Variants in CDH13 observed in about 807,000 individuals in gnomAD.
CDH13 encodes the protein cadherin-13.
In CDH13, 24 loss-of-function variants were observed where a neutral mutation model predicts 63.8. The observed-to-expected ratio is 0.38, with a 90% CI of 0.27 to 0.53. The LOEUF (loss-of-function observed/expected upper bound fraction) is 0.53, where lower values mean the gene tolerates loss of function less well. Ranked by LOEUF, CDH13 falls within the 20% of genes least tolerant of loss-of-function variation. The pLI, the probability that CDH13 is intolerant of heterozygous loss-of-function variation, is 0.85. For missense variants in CDH13, 1,049 were observed against 903.1 expected, an observed-to-expected ratio of 1.16 and a Z score of -2.07; for synonymous variants, 503 against 355.3, an observed-to-expected ratio of 1.42 and a Z score of -4.67.
chr16:83,494,967 T>C (rs1405234485), intron 7 of CDH13, among the ~76,000 whole-genome samples: 2 of 152,222 alleles, frequency 1.3e-5, no homozygotes, highest in Non-Finnish European at 2.9e-5. Context: ...GATCATCTAT[T>C]GCATTGGAGG....
chr16:83,399,471 C>A (rs1010477984), intron 6 of CDH13, among the ~76,000 whole-genome samples: 1 of 152,148 alleles, frequency 6.6e-6, no homozygotes, highest in African/African-American at 2.4e-5. Flanking sequence ...GTCAGATGGC[C>A]TTTCTCAAAT....
rs1006922044 is a variant in CDH13 at position 83,128,487 on chromosome 16, C to T, written c.483+2986C>T. On this transcript the variant is annotated intron_variant, in intron 4 of 13. Coordinates refer to ENST00000567109, the MANE Select transcript of CDH13 (RefSeq NM_001257.5). ...AAATGCACTTTCTCCTCCTGTCCAC[C>T]ACTAGTACACAATACTTTCAGTTGC... 2.0e-5 allele frequency among the ~76,000 whole-genome samples: 3 copies of T among 152,190 alleles called. No homozygotes were observed. In the South Asian group the frequency reaches 6.2e-4, roughly 32 times the overall value.
intron 5 of CDH13, among the ~76,000 whole-genome samples, chr16:83,249,315 C>T (rs1343000858): frequency 6.6e-6 from 1 of 152,190 alleles, no homozygotes; most frequent in Non-Finnish European, 1.5e-5. Context: ...ACTCTGTCTT[C>T]ACTGTAGCTT....
At chr16:83,746,443 C>G (rs1282741829) in intron 10 of CDH13, among the ~76,000 whole-genome samples, 2 of 152,228 alleles carry the variant, frequency 1.3e-5, no homozygotes, top group Admixed American at 6.5e-5. Flanking sequence ...ATAATCTCAT[C>G]TCAAAGACCT....
chr16:83,744,441 C>T (rs1042054415), intron 10 of CDH13, among the ~76,000 whole-genome samples: 2 of 152,222 alleles, frequency 1.3e-5, no homozygotes, highest in Admixed American at 6.5e-5. Context: ...TAATTCATCG[C>T]TTCTGTTTTC....
intron 1 of CDH13, among the ~76,000 whole-genome samples, chr16:82,834,663 G>T (rs1191039966): frequency 6.6e-6 from 1 of 152,122 alleles, no homozygotes; most frequent in Non-Finnish European, 1.5e-5. Context: ...CAGCCCCCTT[G>T]TCTGCCTGAT....
intron 2 of CDH13, among the ~76,000 whole-genome samples, chr16:82,977,546 C>T (rs1028719046): frequency 1.3e-5 from 2 of 152,260 alleles, no homozygotes; most frequent in Non-Finnish European, 2.9e-5. Flanking sequence ...CTTGCTGCCA[C>T]CATGTGAAGA....
At chr16:83,620,241 A>G (rs1909683631) in intron 8 of CDH13, among the ~76,000 whole-genome samples, 2 of 152,022 alleles carry the variant, frequency 1.3e-5, no homozygotes, top group South Asian at 4.2e-4. Flanking sequence ...AAATACAAAA[A>G]TTAGCCGGGC....
chr16:83,378,204 C>T (rs1211414739), intron 6 of CDH13, among the ~76,000 whole-genome samples: 3 of 152,310 alleles, frequency 2.0e-5, no homozygotes, highest in East Asian at 1.9e-4. Flanking sequence ...CATCCTGAAA[C>T]AACTATTGAT....
In CDH13 at chr16:83,798,244, G is replaced by A. The variant is rs1433578680; in HGVS notation, c.*3214G>A. 1 of 152,146 alleles carries A rather than the reference G, an allele frequency of 6.6e-6. No homozygotes were observed. Among genetic ancestry groups the A allele is most frequent in the Non-Finnish European group, 1.5e-5 (1 of 68,034 alleles). The allele number at this position is 152,146 out of a possible 1,614,324, so 9.4% of individuals were successfully genotyped here. ...ACACTGGGTCTTAATCTTAAGATGTGACAACTAAAAAATTTTTAACAAGTC... is the reference window on the plus strand; with the variant it reads ...ACACTGGGTCTTAATCTTAAGATGTAACAACTAAAAAATTTTTAACAAGTC... On this transcript the variant is annotated 3_prime_UTR_variant, in exon 14 of 14. Transcript: ENST00000567109.
intron 6 of CDH13, among the ~76,000 whole-genome samples, chr16:83,407,231 T>C (rs992462568): frequency 6.6e-6 from 1 of 152,228 alleles, no homozygotes; most frequent in Non-Finnish European, 1.5e-5. Flanking sequence ...CCTGGAGGTA[T>C]CAAGGCAAAG....
chr16:82,905,415 TTATACCATGA>T (rs2041610019), intron 2 of CDH13, among the ~76,000 whole-genome samples: 1 of 150,292 alleles, frequency 6.7e-6, no homozygotes, highest in Non-Finnish European at 1.5e-5. Flanking sequence ...GACTTGGGTG[TTATACCATGA>T]ATCACACGTG....
At chr16:82,820,485 A>G (rs1350399593) in intron 1 of CDH13, among the ~76,000 whole-genome samples, 1 of 152,210 alleles carries the variant, frequency 6.6e-6, no homozygotes, top group Non-Finnish European at 1.5e-5. Context: ...CCACAGTTTT[A>G]TAATTGGTTA....
chr16:83,496,298 G>T (rs2074142675), intron 7 of CDH13, among the ~76,000 whole-genome samples: 1 of 146,298 alleles, frequency 6.8e-6, no homozygotes, highest in Non-Finnish European at 1.5e-5. Context: ...CATGGTACTG[G>T]TACCAAAACA....
intron 1 of CDH13, among the ~76,000 whole-genome samples, chr16:82,754,554 C>T (rs1489424687): frequency 6.6e-6 from 1 of 152,072 alleles, no homozygotes; most frequent in Non-Finnish European, 1.5e-5. Context: ...TTTGCTTTTC[C>T]TATTGCTAAG....
At position 83,628,107 on chromosome 16, in the gene CDH13, G is replaced by C. The variant is rs145148497; in HGVS notation, c.1101+25513G>C. The stretch of plus-strand genomic sequence containing the variant: ...TTCTTTACTGCAACCTATTTTATCA[G>C]CAAGGTCTTCATGACCTGTATCCTG... On this transcript the variant is annotated intron_variant, in intron 8 of 13. Transcript: ENST00000567109. 3.8e-3 allele frequency among the ~76,000 whole-genome samples: 581 copies of C among 152,260 alleles called. 4 individuals are homozygous for C. Among genetic ancestry groups the C allele is most frequent in the African/African-American group, 0.013 (553 of 41,542 alleles).
chr16:82,628,095 C>T (rs781056265), intron 1 of CDH13, among the ~76,000 whole-genome samples: 8 of 152,206 alleles, frequency 5.3e-5, no homozygotes, highest in Non-Finnish European at 1.0e-4. Flanking sequence ...AAGCAGCGCT[C>T]CGAGGCCAGG....
rs1028706635 is a variant in CDH13 at position 83,047,586 on chromosome 16, T to G, written c.366+15368T>G. On this transcript the variant is annotated intron_variant, in intron 3 of 13. Transcript: ENST00000567109. The surrounding 1 kb of genome is among the most constrained non-coding windows in gnomAD (Gnocchi z 4.9). ...ACAAACAGAAAAAAAGCTCCCTGTA[T>G]TTTCCCAAATTCTGCATAAATAAAA... Among the ~76,000 whole-genome samples the G allele has an allele frequency of 1.3e-5, 2 of 152,206 alleles. No homozygotes were observed. The highest frequency in any genetic ancestry group is 4.8e-5 in the African/African-American group (2 of 41,446).
intron 5 of CDH13, among the ~76,000 whole-genome samples, chr16:83,294,870 G>C (rs770726793): frequency 6.6e-6 from 1 of 151,948 alleles, no homozygotes; most frequent in East Asian, 1.9e-4. Flanking sequence ...CACAGAACTA[G>C]GAAAAATCAT....
Sources: allele counts gnomAD v4.1 joint callset (sites outside exome capture counted in the v4.1 genomes callset), GRCh38; gene constraint gnomAD v4.1.1; non-coding constraint Gnocchi (gnomAD v3.1); transcripts MANE v1.5; gene names NCBI Gene and HGNC (gene_info 2026-07-23, HGNC 2026-07-21).